TXNDC9: variants seen among roughly 807,000 people sequenced by gnomAD.
TXNDC9 encodes the protein thioredoxin domain-containing protein 9.
In TXNDC9, 7 loss-of-function variants were observed where a neutral mutation model predicts 23.0. That is an observed-to-expected ratio of 0.30 (90% CI 0.17 to 0.57). TXNDC9 has a LOEUF of 0.57. Ranked by LOEUF, TXNDC9 falls within the 20% of genes least tolerant of loss-of-function variation. The pLI, the probability that TXNDC9 is intolerant of heterozygous loss-of-function variation, is 0.90. For synonymous variants in TXNDC9, 72 were observed against 90.6 expected, an observed-to-expected ratio of 0.79 and a Z score of 1.17; for missense variants, 198 against 252.6, an observed-to-expected ratio of 0.78 and a Z score of 1.47.
chr2:99,313,038 T>C, the TXNDC9 span, among the ~76,000 whole-genome samples: 1 of 152,082 alleles, frequency 6.6e-6, no homozygotes. Context: ...GACGCATGCC[T>C]GTAATGACAG....
Position 99,327,847 on chromosome 2 carries a change from C to G in TXNDC9, c.190-194G>C, listed in dbSNP as rs112408432. On this transcript the variant is annotated intron_variant, in intron 2 of 4. Transcript: ENST00000264255. Reference sequence around the variant, plus strand: ...GTCACCAGGCTGGAGGGCAGTGGCGCGATCTTGGCTCACTGCAACCTCCGC... The same window carrying G: ...GTCACCAGGCTGGAGGGCAGTGGCGGGATCTTGGCTCACTGCAACCTCCGC... 6.0e-5 allele frequency among the ~76,000 whole-genome samples: 9 copies of G among 149,682 alleles called. 1 individual carries two copies. The South Asian group carries it at 1.9e-3, about 32-fold the overall frequency.
intron 2 of TXNDC9, among the ~76,000 whole-genome samples, chr2:99,328,210 G>A (rs1574908225): frequency 6.6e-6 from 1 of 151,112 alleles, no homozygotes; most frequent in African/African-American, 2.4e-5. Context: ...ATCCTCCTAC[G>A]TCAGTCTCCC....
Position 99,319,585 on chromosome 2 carries a change from A to T in TXNDC9, c.*97T>A. On this transcript the variant is annotated 3_prime_UTR_variant, in exon 5 of 5. Transcript: ENST00000264255. ...CTGTATAAAACTCGAGAATATGAGT[A>T]TTTAGGTGACCAATGTATAGACATT... The T allele has an allele frequency of 1.1e-6, 1 of 889,856 alleles. No homozygotes were observed. The highest frequency in any genetic ancestry group is 2.4e-5 in the Admixed American group (1 of 40,890). 55.1% of individuals were successfully genotyped at this position (889,856 alleles called of 1,614,324 possible).
At chr2:99,330,306 A>G (rs904414545) in intron 2 of TXNDC9, among the ~76,000 whole-genome samples, 7 of 148,152 alleles carry the variant, frequency 4.7e-5, no homozygotes, top group Admixed American at 1.4e-4. Flanking sequence ...AAAAAAAAAA[A>G]AAAAAAAAAA....
downstream of TXNDC9, among the ~76,000 whole-genome samples, chr2:99,316,434 G>A (rs182684197): frequency 1.1e-4 from 16 of 152,214 alleles, no homozygotes; most frequent in Admixed American, 2.0e-4. Flanking sequence ...GCTCCAAAGC[G>A]CTGGGATTAC....
the TXNDC9 span, among the ~76,000 whole-genome samples, chr2:99,307,879 T>C: frequency 6.6e-6 from 1 of 151,564 alleles, no homozygotes; most frequent in African/African-American, 2.4e-5. Context: ...GGTAAATCCC[T>C]TGCCTGCCCT....
chr2:99,334,657 C>T (rs2094234322), intron 1 of TXNDC9, among the ~76,000 whole-genome samples: 1 of 152,166 alleles, frequency 6.6e-6, no homozygotes, highest in South Asian at 2.1e-4. Context: ...CCTTATGTGG[C>T]ACATGACTAT....
chr2:99,320,042 CTG>C (rs2094197824), intron 4 of TXNDC9, among the ~76,000 whole-genome samples: 1 of 152,200 alleles, frequency 6.6e-6, no homozygotes. Context: ...GGGTCTCACT[CTG>C]TGGCCCAGGC....
intron 2 of TXNDC9, among the ~76,000 whole-genome samples, chr2:99,329,657 T>C (rs2094220320): frequency 6.6e-6 from 1 of 152,188 alleles, no homozygotes; most frequent in East Asian, 1.9e-4. Flanking sequence ...AACTTACCAA[T>C]GATATGTGCC....
chr2:99,330,366 G>A (rs1244507698), intron 2 of TXNDC9, among the ~76,000 whole-genome samples: 1 of 144,012 alleles, frequency 6.9e-6, no homozygotes, highest in African/African-American at 2.6e-5. Flanking sequence ...TAACCAAGAG[G>A]CTGAAGACCC....
At chr2:99,316,117 C>CTTTTTTT (rs57142545), downstream of TXNDC9, among the ~76,000 whole-genome samples, 5 of 136,010 alleles carry the variant, frequency 3.7e-5, no homozygotes, top group East Asian at 2.1e-4. Flanking sequence ...ATTTCTTTTT[C>CTTTTTTT]TTTTTTTTTT....
chr2:99,315,343 G>A (rs1015961949), downstream of TXNDC9, among the ~76,000 whole-genome samples: 1 of 152,012 alleles, frequency 6.6e-6, no homozygotes, highest in Non-Finnish European at 1.5e-5. Context: ...GGAATTACAG[G>A]CATGAGCCAC....
intron 3 of TXNDC9, among the ~76,000 whole-genome samples, chr2:99,322,923 G>A (rs946556234): frequency 2.6e-5 from 4 of 151,866 alleles, no homozygotes; most frequent in Non-Finnish European, 4.4e-5. Flanking sequence ...CACCATGCCC[G>A]GCTAATTTTT....
At chr2:99,312,689 AG>A in the TXNDC9 span, among the ~76,000 whole-genome samples, 1 of 152,232 alleles carries the variant, frequency 6.6e-6, no homozygotes, top group Non-Finnish European at 1.5e-5. Flanking sequence ...GACAAATGTT[AG>A]TGTATGTCTA....
intron 3 of TXNDC9, among the ~76,000 whole-genome samples, chr2:99,325,298 G>C (rs983799564): frequency 6.6e-6 from 1 of 151,884 alleles, no homozygotes; most frequent in African/African-American, 2.4e-5. Flanking sequence ...ATAGCAATAG[G>C]CTTAAAACAT....
At chr2:99,330,992 T>C (rs183947602) in intron 2 of TXNDC9, among the ~76,000 whole-genome samples, 1 of 152,340 alleles carries the variant, frequency 6.6e-6, no homozygotes, top group African/African-American at 2.4e-5. Flanking sequence ...AAAAGGCTTA[T>C]AGCCAGTCTG....
At chr2:99,313,305 A>G in the TXNDC9 span, among the ~76,000 whole-genome samples, 9 of 152,202 alleles carry the variant, frequency 5.9e-5, no homozygotes, top group African/African-American at 2.2e-4. Flanking sequence ...CTCGGCCTCA[A>G]GTAATCCTCT....
intron 2 of TXNDC9, among the ~76,000 whole-genome samples, chr2:99,331,767 T>C (rs2094226319): frequency 6.6e-6 from 1 of 152,166 alleles, no homozygotes; most frequent in African/African-American, 2.4e-5. Context: ...TCTTGCTCTA[T>C]CATCCAGGCT....
chr2:99,322,609 AAACTG>A, intron 3 of TXNDC9: 4 of 1,542,986 alleles, frequency 2.6e-6, no homozygotes, highest in Non-Finnish European at 3.5e-6. Context: ...TCATGAAGAA[AAACTG>A]AACAGCATTA....
Sources: allele counts gnomAD v4.1 joint callset (sites outside exome capture counted in the v4.1 genomes callset), GRCh38; gene constraint gnomAD v4.1.1; transcripts MANE v1.5; gene names NCBI Gene and HGNC (gene_info 2026-07-23, HGNC 2026-07-21).